GRIN2A: variants seen among roughly 807,000 people sequenced by gnomAD.
GRIN2A encodes glutamate receptor ionotropic, NMDA 2A.
GRIN2A carries 22 observed loss-of-function variants against 113.4 expected under a neutral mutation model. The observed-to-expected ratio is 0.19, with a 90% CI of 0.14 to 0.28. The LOEUF (loss-of-function observed/expected upper bound fraction) is 0.28. Ranked by LOEUF, GRIN2A falls within the 10% of genes least tolerant of loss-of-function variation. The pLI is 1.00. For missense variants in GRIN2A, 1,502 were observed against 1,887.0 expected (o/e 0.80, Z 3.78); for synonymous variants, 827 against 738.4 (o/e 1.12, Z -1.94).
At chr16:9,944,834 C>A (rs1055485356) in intron 2 of GRIN2A, among the ~76,000 whole-genome samples, 6 of 152,148 alleles carry the variant, frequency 3.9e-5, no homozygotes, top group Non-Finnish European at 5.9e-5. Flanking sequence ...CCTGCCAGAC[C>A]TACCACTCTA....
chr16:9,931,429 CAAG>C (rs1490899048), intron 3 of GRIN2A, among the ~76,000 whole-genome samples: 3 of 152,130 alleles, frequency 2.0e-5, no homozygotes, highest in African/African-American at 7.2e-5. Flanking sequence ...TAAGATGTTA[CAAG>C]AAGAAGAGAT....
At chr16:9,894,768 T>C (rs2043769621) in intron 3 of GRIN2A, among the ~76,000 whole-genome samples, 1 of 152,236 alleles carries the variant, frequency 6.6e-6, no homozygotes, top group Non-Finnish European at 1.5e-5. Flanking sequence ...GCTCAGTTAA[T>C]GTTTGGCAAG....
At chr16:9,833,969 G>A (rs13331377) in intron 8 of GRIN2A, 136 bp downstream of exon 8, 6 of 834,160 alleles carry the variant, frequency 7.2e-6, no homozygotes, top group South Asian at 2.7e-5. Context: ...CACCCACCTC[G>A]GTCTCCCAAA....
At chr16:9,846,774 A>C (rs1177142450) in intron 5 of GRIN2A, among the ~76,000 whole-genome samples, 1 of 152,228 alleles carries the variant, frequency 6.6e-6, no homozygotes, top group East Asian at 1.9e-4. Flanking sequence ...TTAAAGGATG[A>C]GTAAGAATTA....
chr16:10,089,191 G>A (rs995764850), intron 2 of GRIN2A, among the ~76,000 whole-genome samples: 1 of 152,132 alleles, frequency 6.6e-6, no homozygotes, highest in Non-Finnish European at 1.5e-5. Context: ...GGGACAAAAC[G>A]GTGAGTGAAA....
At chr16:10,165,202 T>C (rs761490394) in intron 2 of GRIN2A, among the ~76,000 whole-genome samples, 39 of 152,174 alleles carry the variant, frequency 2.6e-4, no homozygotes, top group Non-Finnish European at 4.1e-4. Context: ...ATAGAAAACA[T>C]AGAAGATAAA....
chr16:9,847,454 A>C (rs532918023), intron 5 of GRIN2A, among the ~76,000 whole-genome samples: 2 of 152,026 alleles, frequency 1.3e-5, no homozygotes, highest in Non-Finnish European at 2.9e-5. Flanking sequence ...AGTCTCAGCT[A>C]TTCAGGAGGT....
chr16:9,910,891 T>C lies in GRIN2A; in HGVS notation c.1008-19791A>G, dbSNP rs192989240. Among the ~76,000 whole-genome samples, 1,320 of 152,178 alleles carry C rather than the reference T, an allele frequency of 8.7e-3. 18 individuals are homozygous for C. Among genetic ancestry groups the C allele is most frequent in the Non-Finnish European group, 1.0e-2 (680 of 68,008 alleles). On this transcript the variant is annotated intron_variant, in intron 3 of 12. Transcript: ENST00000330684. ...CCCTGAATCATTTCTACAATACCTC[T>C]GGCAGATAGGTGGGCCTATTTTTCT...
At chr16:9,906,502 C>T (rs375110254) in intron 3 of GRIN2A, among the ~76,000 whole-genome samples, 2 of 152,320 alleles carry the variant, frequency 1.3e-5, no homozygotes, top group African/African-American at 4.8e-5. Context: ...GTTCAGGGAT[C>T]GGTACGTGAC....
At chr16:9,890,261 G>A (rs768315115) in intron 4 of GRIN2A, among the ~76,000 whole-genome samples, 17 of 152,156 alleles carry the variant, frequency 1.1e-4, no homozygotes, top group Non-Finnish European at 2.4e-4. Flanking sequence ...CTCTTTATAC[G>A]AAATTGTAGC....
chr16:9,839,952 C>T (rs527672313), intron 7 of GRIN2A, among the ~76,000 whole-genome samples: 8 of 152,180 alleles, frequency 5.3e-5, no homozygotes, highest in African/African-American at 1.9e-4. Flanking sequence ...TGGCGAAACC[C>T]CATCTCTACA....
At chr16:9,946,127 A>T (rs1296948988) in intron 2 of GRIN2A, among the ~76,000 whole-genome samples, 6 of 152,216 alleles carry the variant, frequency 3.9e-5, no homozygotes, top group Admixed American at 2.6e-4. Flanking sequence ...GATCATTAGC[A>T]GGGCTGGCCA....
Position 9,997,819 on chromosome 16 carries a change from G to T in GRIN2A, c.415-59268C>A, listed in dbSNP as rs556995905. Among the ~76,000 whole-genome samples, 235 of 152,174 alleles carry T rather than the reference G, an allele frequency of 1.5e-3. 1 individual carries two copies. The highest frequency in any genetic ancestry group is 5.3e-3 in the African/African-American group (218 of 41,428). On this transcript the variant is annotated intron_variant, in intron 2 of 12. Transcript: ENST00000330684. Reference sequence around the variant, plus strand: ...AGATCTGATGGTTTTATAAAGGGCAGTTCCCTTGCACATGCTCTCTTGCCT... The same window carrying T: ...AGATCTGATGGTTTTATAAAGGGCATTTCCCTTGCACATGCTCTCTTGCCT...
At chr16:10,110,523 G>A (rs1042567667) in intron 2 of GRIN2A, among the ~76,000 whole-genome samples, 10 of 152,252 alleles carry the variant, frequency 6.6e-5, no homozygotes, top group African/African-American at 2.4e-4. Flanking sequence ...AGCTATTGGA[G>A]TGATCCAGGG....
chr16:9,954,896 ATTATGTTG>A (rs1257244464), intron 2 of GRIN2A, among the ~76,000 whole-genome samples: 13 of 152,122 alleles, frequency 8.5e-5, no homozygotes, highest in African/African-American at 3.1e-4. Flanking sequence ...CTTTATGTTC[ATTATGTTG>A]AGTGGTAAGT....
chr16:9,803,042 C>T (rs1277729181), intron 10 of GRIN2A, among the ~76,000 whole-genome samples: 3 of 152,108 alleles, frequency 2.0e-5, no homozygotes, highest in African/African-American at 7.2e-5. Context: ...CCCTAAATCT[C>T]TGAGATTTGT....
intron 2 of GRIN2A, among the ~76,000 whole-genome samples, chr16:10,104,228 G>A (rs2048451949): frequency 6.6e-6 from 1 of 152,236 alleles, no homozygotes; most frequent in Non-Finnish European, 1.5e-5. Flanking sequence ...TCATTCATCT[G>A]TTATTGAACC....
chr16:9,900,760 A>T (rs2043905568), intron 3 of GRIN2A, among the ~76,000 whole-genome samples: 1 of 152,260 alleles, frequency 6.6e-6, no homozygotes, highest in Non-Finnish European at 1.5e-5. Context: ...CTGTTAAAAT[A>T]GCACCAAATG....
intron 2 of GRIN2A, among the ~76,000 whole-genome samples, chr16:10,160,534 C>T (rs1417170121): frequency 2.0e-5 from 3 of 152,198 alleles, no homozygotes; most frequent in African/African-American, 7.2e-5. Flanking sequence ...GATCAAAGCC[C>T]CATCTGCATC....
Sources: gnomAD v4.1 joint callset for allele counts (sites outside exome capture counted in the v4.1 genomes callset) on GRCh38, gnomAD v4.1.1 for gene constraint, MANE v1.5 for transcripts, NCBI Gene and HGNC (gene_info 2026-07-23, HGNC 2026-07-21) for gene names.